Variants in TFCP2L1 observed in about 807,000 individuals in gnomAD.
TFCP2L1 encodes the protein transcription factor CP2 like 1.
A neutral mutation model predicts 72.2 loss-of-function variants in TFCP2L1; 12 were observed. That is an observed-to-expected ratio of 0.17 (90% CI 0.11 to 0.27). The LOEUF is 0.27. Among genes scored for constraint, TFCP2L1 ranks in the 10% least tolerant of loss-of-function variants. The pLI is 1.00. For missense variants in TFCP2L1, 488 were observed against 624.6 expected (o/e 0.78, Z 2.33); for synonymous variants, 260 against 251.0 (o/e 1.04, Z -0.34).
chr2:121,264,725 C>A (rs1172622188), intron 2 of TFCP2L1, among the ~76,000 whole-genome samples: 1 of 152,156 alleles, frequency 6.6e-6, no homozygotes, highest in Admixed American at 6.5e-5. Context: ...GGTTCCCGTG[C>A]GCTTCGGGGG....
intron 2 of TFCP2L1, among the ~76,000 whole-genome samples, chr2:121,250,473 A>C (rs1255180823): frequency 6.6e-6 from 1 of 151,760 alleles, no homozygotes; most frequent in Non-Finnish European, 1.5e-5. Flanking sequence ...ATATATATAT[A>C]ACTCAAATGA....
intron 2 of TFCP2L1, among the ~76,000 whole-genome samples, chr2:121,258,410 T>C (rs1455618886): frequency 1.3e-5 from 2 of 152,222 alleles, no homozygotes; most frequent in Non-Finnish European, 2.9e-5. Context: ...GCAGCAGTAC[T>C]GCTACAGCCC....
chr2:121,284,338 A>G (rs1687322934), intron 1 of TFCP2L1, among the ~76,000 whole-genome samples: 1 of 152,192 alleles, frequency 6.6e-6, no homozygotes, highest in Admixed American at 6.5e-5. Flanking sequence ...AACAGGGAAA[A>G]ACAATCCTCC....
intron 14 of TFCP2L1, among the ~76,000 whole-genome samples, 153 bp from the exon 15 acceptor site, chr2:121,224,540 CACA>C (rs1173574490): frequency 1.3e-5 from 2 of 152,216 alleles, no homozygotes; most frequent in African/African-American, 4.8e-5. Context: ...GCAGGGATCT[CACA>C]TGCCCTGACA....
intron 10 of TFCP2L1, 60 bp from the exon 11 acceptor site, chr2:121,235,371 C>T: frequency 6.4e-7 from 1 of 1,572,192 alleles, no homozygotes; most frequent in Non-Finnish European, 8.8e-7. Context: ...GGCTCGGTCC[C>T]CAACCAGCTG....
intron 2 of TFCP2L1, among the ~76,000 whole-genome samples, chr2:121,274,143 T>G (rs1252839771): frequency 1.3e-5 from 2 of 151,084 alleles, no homozygotes; most frequent in Non-Finnish European, 2.9e-5. Context: ...ATGCCTTTGG[T>G]CATATGATGA....
At chr2:121,278,804 G>C (rs748989518) in intron 2 of TFCP2L1, among the ~76,000 whole-genome samples, 22 of 151,844 alleles carry the variant, frequency 1.4e-4, no homozygotes, top group Non-Finnish European at 2.9e-4. Context: ...AGGAGTTCAA[G>C]ACCAGCCTGG....
At chr2:121,240,277 T>C in intron 7 of TFCP2L1, 1 of 985,218 alleles carries the variant, frequency 1.0e-6, no homozygotes. Flanking sequence ...AACATTCTAC[T>C]ATGGAAGCCA....
At chr2:121,268,144 C>G (rs1424224575) in intron 2 of TFCP2L1, among the ~76,000 whole-genome samples, 1 of 152,176 alleles carries the variant, frequency 6.6e-6, no homozygotes, top group Non-Finnish European at 1.5e-5. Flanking sequence ...TAACAAAACA[C>G]ACCCCCTATT....
At chr2:121,267,979 C>T (rs1279433504) in intron 2 of TFCP2L1, among the ~76,000 whole-genome samples, 1 of 152,200 alleles carries the variant, frequency 6.6e-6, no homozygotes, top group Non-Finnish European at 1.5e-5. Flanking sequence ...CTGGGCAACA[C>T]AGGGAGACCC....
chr2:121,236,224 C>G (rs981306549), intron 10 of TFCP2L1, among the ~76,000 whole-genome samples: 1 of 152,166 alleles, frequency 6.6e-6, no homozygotes, highest in Non-Finnish European at 1.5e-5. Context: ...TCATACATGT[C>G]TTTGTTCATT....
chr2:121,231,214 G>A (rs187119572), intron 13 of TFCP2L1, among the ~76,000 whole-genome samples: 1 of 152,216 alleles, frequency 6.6e-6, no homozygotes, highest in Non-Finnish European at 1.5e-5. Flanking sequence ...AGGGGTCCAG[G>A]ATAGAACAAA....
intron 7 of TFCP2L1, among the ~76,000 whole-genome samples, chr2:121,241,072 T>C (rs1360903258): frequency 6.6e-6 from 1 of 152,184 alleles, no homozygotes; most frequent in African/African-American, 2.4e-5. Flanking sequence ...ATGGAGGGCC[T>C]TCTGAGGAAG....
Position 121,249,584 on chromosome 2 carries a change from G to A in TFCP2L1, c.278C>T (p.Thr93Ile). The A allele has an allele frequency of 6.2e-7, 1 of 1,614,202 alleles. No individual in the cohort carries two copies. The highest frequency in any genetic ancestry group is 8.5e-7 in the Non-Finnish European group (1 of 1,180,024). ...TGTGAGGCTTACCTTGACATATTTT[G>A]TGTTCAGATCTTGAAAGTCTCCCAG... ...RKLGDFQDLNTKYVKSIIRVV... is the reference protein window; with the variant it reads ...RKLGDFQDLNIKYVKSIIRVV... Residue 93 changes from threonine to isoleucine, a missense_variant, in exon 3 of 15, where the codon ACA becomes ATA. Coordinates refer to ENST00000263707, the MANE Select transcript of TFCP2L1 (RefSeq NM_014553.3).
At chr2:121,258,773 G>C (rs1225965790) in intron 2 of TFCP2L1, among the ~76,000 whole-genome samples, 1 of 152,200 alleles carries the variant, frequency 6.6e-6, no homozygotes. Flanking sequence ...CCTGAACTGG[G>C]TCTGGATCAA....
At chr2:121,238,706 A>G (rs1686301176) in intron 8 of TFCP2L1, among the ~76,000 whole-genome samples, 1 of 151,954 alleles carries the variant, frequency 6.6e-6, no homozygotes, top group African/African-American at 2.4e-5. Context: ...CCCCTTTTGT[A>G]GTAGAGAAAC....
intron 5 of TFCP2L1, among the ~76,000 whole-genome samples, chr2:121,247,208 C>A (rs72961402): frequency 6.6e-6 from 1 of 152,158 alleles, no homozygotes; most frequent in Non-Finnish European, 1.5e-5. Flanking sequence ...GAGGCCCTGC[C>A]TGACCAGCTA....
At chr2:121,245,972 G>A (rs1686472113) in intron 6 of TFCP2L1, among the ~76,000 whole-genome samples, 2 of 152,192 alleles carry the variant, frequency 1.3e-5, no homozygotes, top group South Asian at 4.1e-4. Flanking sequence ...AAATTCACTT[G>A]AATGTGAAAC....
At chr2:121,248,031 T>C (rs553790498) in intron 5 of TFCP2L1, 133 bp downstream of exon 5, 2 of 653,950 alleles carry the variant, frequency 3.1e-6, no homozygotes, top group Non-Finnish European at 5.2e-6. Context: ...CTCTCTCTCC[T>C]GCAGTTTCCT....
Sources: allele counts gnomAD v4.1 joint callset (sites outside exome capture counted in the v4.1 genomes callset), GRCh38; gene constraint gnomAD v4.1.1; transcripts MANE v1.5; gene names NCBI Gene and HGNC (gene_info 2026-07-23, HGNC 2026-07-21).